OXR1: variants seen among roughly 807,000 people sequenced by gnomAD.
OXR1 encodes the protein oxidation resistance 1.
OXR1 carries 41 observed loss-of-function variants against 104.6 expected under a neutral mutation model. The ratio of observed to expected loss-of-function variants is 0.39; its 90% CI spans 0.31 to 0.51. The LOEUF (loss-of-function observed/expected upper bound fraction) is 0.51, where lower values mean the gene tolerates loss of function less well. OXR1 is among the 20% of genes least tolerant of loss of function. The pLI, the probability that OXR1 is intolerant of heterozygous loss-of-function variation, is 0.77. For missense variants in OXR1, 955 were observed against 1,031.9 expected (o/e 0.93, Z 1.02); for synonymous variants, 348 against 348.4 (o/e 1.00, Z 0.01).
intron 1 of OXR1, among the ~76,000 whole-genome samples, chr8:106,277,166 T>A (rs1421239710): frequency 6.6e-6 from 1 of 152,208 alleles, no homozygotes; most frequent in East Asian, 1.9e-4. Flanking sequence ...TATGATCAAT[T>A]GGAATAATGA....
intron 2 of OXR1, among the ~76,000 whole-genome samples, chr8:106,432,305 T>A (rs564439445): frequency 6.6e-6 from 1 of 152,256 alleles, no homozygotes; most frequent in South Asian, 2.1e-4. Flanking sequence ...CTCCTCACTC[T>A]TCCATGGTCT....
intron 1 of OXR1, among the ~76,000 whole-genome samples, chr8:106,303,008 C>A (rs1425189256): frequency 6.6e-6 from 1 of 151,904 alleles, no homozygotes; most frequent in African/African-American, 2.4e-5. Flanking sequence ...CCGCCTTGGC[C>A]TCCCAAAGTG....
rs1489620052 is a variant in OXR1 at position 106,390,021 on chromosome 8, G to A, written c.23+30385G>A. ...GTAGAGGTTGCAGTGAGTTGAGATC[G>A]CACCACTGCACTCCAGCCAGGGTGA... is the stretch of plus-strand genomic sequence containing the variant. On this transcript the variant is annotated intron_variant, in intron 2 of 16. Transcript: ENST00000517566. 1.4e-4 allele frequency among the ~76,000 whole-genome samples: 22 copies of A among 151,874 alleles called. 1 individual carries two copies. The highest frequency in any genetic ancestry group is 7.4e-5 in the Non-Finnish European group (5 of 67,974).
intron 2 of OXR1, among the ~76,000 whole-genome samples, chr8:106,444,876 T>G (rs148599127): frequency 3.0e-4 from 46 of 152,282 alleles, no homozygotes; most frequent in African/African-American, 1.1e-3. Flanking sequence ...AAAATGTATA[T>G]GTACACACAC....
intron 16 of OXR1, among the ~76,000 whole-genome samples, chr8:106,748,803 C>T (rs1563772062): frequency 6.6e-6 from 1 of 151,418 alleles, no homozygotes; most frequent in African/African-American, 2.4e-5. Context: ...CTACTGACCT[C>T]AGGGGATCCA....
intron 2 of OXR1, among the ~76,000 whole-genome samples, chr8:106,397,680 C>A (rs921397054): frequency 1.3e-5 from 2 of 151,982 alleles, no homozygotes; most frequent in Non-Finnish European, 2.9e-5. Context: ...GGTTTTACCT[C>A]AACTTTTTTT....
chr8:106,272,424 G>A, intron 1 of OXR1: 1 of 152,210 alleles, frequency 6.6e-6, no homozygotes, highest in South Asian at 2.1e-4. Flanking sequence ...CTGTCTAAGA[G>A]GGCTGGTCTC....
intron 2 of OXR1, among the ~76,000 whole-genome samples, chr8:106,444,863 T>C (rs1285058725): frequency 6.6e-6 from 1 of 152,184 alleles, no homozygotes; most frequent in African/African-American, 2.4e-5. Context: ...AAAATTCTTG[T>C]AGAAAATGTA....
rs148127245 is a variant in OXR1, at chr8:106,569,505, G to C, written c.220+50366G>C. 3.0e-4 allele frequency among the ~76,000 whole-genome samples: 45 copies of C among 152,282 alleles called. 1 individual carries two copies. The East Asian group carries it at 8.1e-3, about 27-fold the overall frequency. On this transcript the variant is annotated intron_variant, in intron 3 of 16. Coordinates refer to ENST00000517566, the MANE Select transcript of OXR1 (RefSeq NM_001198533.2). ...TCGCATCCTAAGTGTTGAACGGCAA[G>C]AACATCCATTCTTCATGCTATGTTA...
chr8:106,627,193 T>C (rs1180294684), intron 3 of OXR1, among the ~76,000 whole-genome samples: 1 of 152,190 alleles, frequency 6.6e-6, no homozygotes, highest in Non-Finnish European at 1.5e-5. Context: ...AGATTCCTCA[T>C]GGTATATATT....
intron 3 of OXR1, among the ~76,000 whole-genome samples, chr8:106,638,922 C>CACA (rs35083018): frequency 0.6 from 89,160 of 148,350 alleles, 27,872 homozygotes; most frequent in African/African-American, 0.79. Flanking sequence ...TATAAAACAA[C>CACA]ACAACAAAAA....
intron 3 of OXR1, among the ~76,000 whole-genome samples, chr8:106,677,364 TTAAATA>T (rs755865031): frequency 1.8e-4 from 28 of 152,280 alleles, no homozygotes; most frequent in Non-Finnish European, 2.6e-4. Flanking sequence ...AGAAGCAAAT[TTAAATA>T]TAAACTATTC....
chr8:106,627,246 G>C (rs1399786076), intron 3 of OXR1, among the ~76,000 whole-genome samples: 1 of 152,064 alleles, frequency 6.6e-6, no homozygotes, highest in African/African-American at 2.4e-5. Flanking sequence ...AAATTATTTA[G>C]TTTCTGGTGT....
intron 2 of OXR1, among the ~76,000 whole-genome samples, chr8:106,365,018 AG>A (rs1375861429): frequency 6.6e-6 from 1 of 152,222 alleles, no homozygotes; most frequent in African/African-American, 2.4e-5. Flanking sequence ...CAGGACCTGC[AG>A]GGGGAACAAT....
At chr8:106,657,943 G>A (rs1335111694) in intron 3 of OXR1, 3 of 1,247,760 alleles carry the variant, frequency 2.4e-6, no homozygotes, top group African/African-American at 1.6e-5. Flanking sequence ...CGCCGAAACC[G>A]TCGACCTCCT....
At chr8:106,367,318 C>T (rs1816513626) in intron 2 of OXR1, among the ~76,000 whole-genome samples, 1 of 151,976 alleles carries the variant, frequency 6.6e-6, no homozygotes. Context: ...CCGCCTTGGC[C>T]TCCCAAAGTG....
chr8:106,356,015 A>G (rs1815952743), intron 1 of OXR1, among the ~76,000 whole-genome samples: 1 of 152,200 alleles, frequency 6.6e-6, no homozygotes, highest in Non-Finnish European at 1.5e-5. Flanking sequence ...CTAAAACAAA[A>G]GGCAGAAGTG....
At position 106,662,405 on chromosome 8, in the gene OXR1, A is replaced by G. The variant is rs1825853255; in HGVS notation, c.221-16805A>G. ...TGCTGAAGTTTCATTTTAGGTTTAC[A>G]TTAAGCAAATCCTATGTACTGAATG... On this transcript the variant is annotated intron_variant, in intron 3 of 16. Transcript: ENST00000517566. Among the ~76,000 whole-genome samples the G allele has an allele frequency of 2.0e-5, 3 of 152,338 alleles. No homozygotes were observed. In the South Asian group the frequency reaches 6.2e-4, roughly 32 times the overall value.
At chr8:106,746,063 A>C (rs1046579326) in intron 16 of OXR1, among the ~76,000 whole-genome samples, 10 of 152,144 alleles carry the variant, frequency 6.6e-5, no homozygotes, top group African/African-American at 2.2e-4. Context: ...TTGTTTCTTC[A>C]TTTTAAAATA....
Sources: gnomAD v4.1 joint callset for allele counts (sites outside exome capture counted in the v4.1 genomes callset) on GRCh38, gnomAD v4.1.1 for gene constraint, MANE v1.5 for transcripts, NCBI Gene and HGNC (gene_info 2026-07-23, HGNC 2026-07-21) for gene names.